Variants in COL18A1 observed in about 807,000 individuals in gnomAD.
COL18A1 encodes collagen alpha-1(XVIII) chain.
In COL18A1, 133 loss-of-function variants were observed where a neutral mutation model predicts 168.0. The ratio of observed to expected loss-of-function variants is 0.79; its 90% CI spans 0.69 to 0.91. The LOEUF (loss-of-function observed/expected upper bound fraction) is 0.91, where lower values mean the gene tolerates loss of function less well. Among genes scored for constraint, COL18A1 ranks in the 40% least tolerant of loss-of-function variants. The pLI is 0.00. For synonymous variants in COL18A1, 949 were observed against 809.0 expected (o/e 1.17, Z -2.94); for missense variants, 2,126 against 1,925.4 (o/e 1.10, Z -1.95).
At chr21:45,430,922 C>T (rs1046192209) in intron 2 of COL18A1, among the ~76,000 whole-genome samples, 5 of 152,214 alleles carry the variant, frequency 3.3e-5, no homozygotes, top group South Asian at 2.1e-4. Context: ...TAGACCACCT[C>T]GCCCGCCCTT....
At chr21:45,488,174 T>A (rs1169487020) in intron 17 of COL18A1, among the ~76,000 whole-genome samples, 2 of 152,250 alleles carry the variant, frequency 1.3e-5, no homozygotes, top group Non-Finnish European at 2.9e-5. Context: ...CTCAGCCTGT[T>A]GAGAGCACGG....
At chr21:45,510,004 G>T in intron 39 of COL18A1, 60 bp from the exon 40 acceptor site, 2 of 1,517,236 alleles carry the variant, frequency 1.3e-6, no homozygotes, top group South Asian at 1.2e-5. Context: ...TGGTGCGCCC[G>T]GGGCCTGGGT....
chr21:45,436,048 C>T (rs541543140), intron 2 of COL18A1, among the ~76,000 whole-genome samples: 1 of 152,300 alleles, frequency 6.6e-6, no homozygotes, highest in Non-Finnish European at 1.5e-5. Context: ...GCCTCAGGCT[C>T]ATCTTCTGGG....
intron 40 of COL18A1, among the ~76,000 whole-genome samples, chr21:45,510,756 C>T (rs1336570044): frequency 6.6e-6 from 1 of 152,188 alleles, no homozygotes; most frequent in East Asian, 1.9e-4. Flanking sequence ...GAACCAACAG[C>T]AGAGGGGTCA....
Position 45,406,594 on chromosome 21 carries a change from C to T in COL18A1, c.106+1121C>T, listed in dbSNP as rs547947021. On this transcript the variant is annotated intron_variant, in intron 2 of 41. Transcript: ENST00000651438. ...GCTGTGAGCTCACGCGGCTCCATCC[C>T]CACAGCGGCCCAGGGTCACTCGGGG... 1.7e-3 allele frequency among the ~76,000 whole-genome samples: 260 copies of T among 152,270 alleles called. 8 individuals are homozygous for T. Among genetic ancestry groups the T allele is most frequent in the Non-Finnish European group, 4.9e-4 (33 of 68,036 alleles).
At chr21:45,479,812 G>C (rs939503235) in intron 9 of COL18A1, 90 bp from the exon 10 acceptor site, 1 of 1,564,642 alleles carries the variant, frequency 6.4e-7, no homozygotes, top group Non-Finnish European at 8.7e-7. Flanking sequence ...GCTCCCGTCC[G>C]TCCCCTGCTT....
chr21:45,497,908 G>A, intron 32 of COL18A1: 1 of 611,208 alleles, frequency 1.6e-6, no homozygotes, highest in Non-Finnish European at 2.9e-6. Context: ...AGGAGCAGAT[G>A]GCTGCCCTTC....
intron 6 of COL18A1, among the ~76,000 whole-genome samples, chr21:45,476,848 GTA>G: frequency 1.4e-5 from 2 of 139,660 alleles, no homozygotes; most frequent in South Asian, 4.4e-4. Flanking sequence ...TATGTGATGT[GTA>G]GTGTGCGTAT....
rs756793087 is a variant in COL18A1, at chr21:45,478,383, G to A, written c.1248+30G>A. ...GTCTGCTTTTCTTTCTGACCCCTGTGTTATCTGTGATGTTTGCTTAGACCC... is the reference window on the plus strand; with the variant it reads ...GTCTGCTTTTCTTTCTGACCCCTGTATTATCTGTGATGTTTGCTTAGACCC... On this transcript the variant is annotated intron_variant, in intron 9 of 41. Transcript: ENST00000651438. 7.4e-5 allele frequency: 120 copies of A among 1,614,032 alleles called. No individual in the cohort carries two copies. The Admixed American group carries it at 1.9e-3, about 26-fold the overall frequency.
intron 2 of COL18A1, chr21:45,422,486 G>T (rs1211918902): frequency 1.5e-5 from 8 of 528,814 alleles, no homozygotes; most frequent in Non-Finnish European, 2.3e-5. Flanking sequence ...CAGAAGCCAG[G>T]AGCCGGGGCC....
chr21:45,424,440 G>A (rs1419124562), intron 2 of COL18A1: 1 of 152,306 alleles, frequency 6.6e-6, no homozygotes, highest in Non-Finnish European at 1.5e-5. Flanking sequence ...CTGGGCGAGG[G>A]TTCCCGGGAT....
At chr21:45,476,305 G>T (rs765395458) in intron 5 of COL18A1, 46 bp from the exon 6 acceptor site, 5 of 1,612,514 alleles carry the variant, frequency 3.1e-6, no homozygotes, top group Admixed American at 1.7e-5. Context: ...TCTCCACCGG[G>T]CATCTGCCGG....
rs1327329811 is a variant in COL18A1, at chr21:45,473,562, C to T, written c.652-333C>T. On this transcript the variant is annotated intron_variant, in intron 3 of 41. Coordinates refer to ENST00000651438, the MANE Select transcript of COL18A1 (RefSeq NM_001379500.1). The surrounding 1 kb of genome is among the most constrained non-coding windows in gnomAD (Gnocchi z 4.0). ...CTGCAGCCCCTCGAATCTGCCCGCC[C>T]TCCCAGGCCTTGGATCGAGCCACAC... 2.0e-5 allele frequency among the ~76,000 whole-genome samples: 3 copies of T among 152,298 alleles called. No individual in the cohort carries two copies. The South Asian group carries it at 6.2e-4, about 32-fold the overall frequency.
intron 2 of COL18A1, among the ~76,000 whole-genome samples, chr21:45,428,621 G>T: frequency 6.6e-6 from 1 of 152,194 alleles, no homozygotes; most frequent in East Asian, 1.9e-4. Flanking sequence ...GGGCCATCAC[G>T]CAGCCACCGC....
chr21:45,438,159 C>T (rs1277502950), intron 2 of COL18A1, among the ~76,000 whole-genome samples: 1 of 129,620 alleles, frequency 7.7e-6, no homozygotes, highest in African/African-American at 3.4e-5. Flanking sequence ...GACACAGGCA[C>T]TCTCCTGCAT....
At chr21:45,480,351 G>C in intron 11 of COL18A1, 116 bp from the exon 12 acceptor site, 1 of 1,588,182 alleles carries the variant, frequency 6.3e-7, no homozygotes, top group Non-Finnish European at 8.6e-7. Flanking sequence ...AGGGGCCGTG[G>C]TTTCTCAGCT....
At chr21:45,503,232 G>GTTGT in intron 32 of COL18A1, among the ~76,000 whole-genome samples, 1 of 152,110 alleles carries the variant, frequency 6.6e-6, no homozygotes, top group Admixed American at 6.6e-5. Context: ...TCCGGCACCT[G>GTTGT]TTGTTTCCTT....
rs1166517678 is a variant in COL18A1 at position 45,512,488 on chromosome 21, C to T, written c.*90C>T. 7.3e-6 allele frequency: 9 copies of T among 1,239,544 alleles called. No homozygotes were observed. In the Admixed American group the frequency reaches 1.8e-4, roughly 24 times the overall value. 76.8% of individuals were successfully genotyped at this position (1,239,544 alleles called of 1,614,324 possible). ...GGGAGCGGCCGGCCAGCCCCTGGCC[C>T]CAGGACCTGGCTGCCATACTTTCCT... is the stretch of plus-strand genomic sequence containing the variant. On this transcript the variant is annotated 3_prime_UTR_variant, in exon 42 of 42. Coordinates refer to ENST00000651438, the MANE Select transcript of COL18A1 (RefSeq NM_001379500.1).
rs1342644526 is a variant in COL18A1 at position 45,506,602 on chromosome 21, G to T, written c.3216+636G>T. On this transcript the variant is annotated intron_variant, in intron 37 of 41. Transcript: ENST00000651438. The stretch of plus-strand genomic sequence containing the variant: ...GCCCCGGGAAGGTTTACCTTCGTGT[G>T]GCAAAGGTGAGGACGGGTAGAAGCC... The T allele has an allele frequency of 1.1e-5, 2 of 179,310 alleles. 1 individual carries two copies. Among genetic ancestry groups the T allele is most frequent in the Non-Finnish European group, 2.4e-5 (2 of 82,544 alleles). The allele number at this position is 179,310 out of a possible 1,614,324, so 11.1% of individuals were successfully genotyped here.
Sources: allele counts gnomAD v4.1 joint callset (sites outside exome capture counted in the v4.1 genomes callset), GRCh38; gene constraint gnomAD v4.1.1; non-coding constraint Gnocchi (gnomAD v3.1); transcripts MANE v1.5; gene names NCBI Gene and HGNC (gene_info 2026-07-23, HGNC 2026-07-21).